CCSER1: variants seen among roughly 807,000 people sequenced by gnomAD.
CCSER1 encodes coiled-coil serine rich protein 1.
CCSER1 carries 41 observed loss-of-function variants against 82.0 expected under a neutral mutation model. The ratio of observed to expected loss-of-function variants is 0.50; its 90% CI spans 0.39 to 0.65. The LOEUF is 0.65. Ranked by LOEUF, CCSER1 falls within the 30% of genes least tolerant of loss-of-function variation. CCSER1 has a pLI of 0.00. For missense variants in CCSER1, 1,119 were observed against 1,064.2 expected (o/e 1.05, Z -0.72); for synonymous variants, 414 against 383.9 (o/e 1.08, Z -0.92).
intron 10 of CCSER1, among the ~76,000 whole-genome samples, chr4:91,591,724 G>A (rs77981417): frequency 0.033 from 5,092 of 152,084 alleles, 180 homozygotes; most frequent in South Asian, 0.16. Flanking sequence ...ATTTTAATGC[G>A]AGTATTTTTA....
chr4:91,427,378 C>T (rs931641466), intron 10 of CCSER1, among the ~76,000 whole-genome samples: 16 of 152,086 alleles, frequency 1.1e-4, no homozygotes, highest in African/African-American at 3.9e-4. Context: ...TTTTCAAAAG[C>T]TTACCTTTCA....
intron 6 of CCSER1, among the ~76,000 whole-genome samples, chr4:90,652,348 T>TAA: frequency 6.6e-6 from 1 of 152,180 alleles, no homozygotes; most frequent in Non-Finnish European, 1.5e-5. Flanking sequence ...TATAATAATG[T>TAA]TGTATATGAT....
chr4:90,395,257 A>T (rs1316260943), intron 3 of CCSER1, among the ~76,000 whole-genome samples: 1 of 152,172 alleles, frequency 6.6e-6, no homozygotes, highest in Non-Finnish European at 1.5e-5. Flanking sequence ...ACGATTTCCT[A>T]CTTTTAGCCA....
chr4:90,305,809 C>T (rs141520674), intron 1 of CCSER1, among the ~76,000 whole-genome samples: 3 of 152,250 alleles, frequency 2.0e-5, no homozygotes, highest in Non-Finnish European at 4.4e-5. Context: ...ACCATATGAT[C>T]CAGCAATCCT....
intron 8 of CCSER1, among the ~76,000 whole-genome samples, chr4:90,835,192 G>T (rs1035202181): frequency 6.6e-6 from 1 of 152,060 alleles, no homozygotes; most frequent in African/African-American, 2.4e-5. Flanking sequence ...TTAGCCGGGC[G>T]TGGTGGTGGA....
chr4:90,150,404 A>G (rs1385672369), intron 1 of CCSER1, among the ~76,000 whole-genome samples: 5 of 152,106 alleles, frequency 3.3e-5, no homozygotes, highest in Non-Finnish European at 7.4e-5. Context: ...CATTTGGTGA[A>G]TTCCTACGTA....
intron 10 of CCSER1, among the ~76,000 whole-genome samples, chr4:91,491,826 T>C (rs984618261): frequency 6.6e-6 from 1 of 151,984 alleles, no homozygotes; most frequent in Non-Finnish European, 1.5e-5. Flanking sequence ...CAATGATGAA[T>C]GGTAAAAATA....
intron 9 of CCSER1, among the ~76,000 whole-genome samples, chr4:91,019,762 G>C (rs950083785): frequency 3.3e-5 from 5 of 152,122 alleles, no homozygotes; most frequent in African/African-American, 1.2e-4. Flanking sequence ...AATGCCACAG[G>C]AGTCATTGAT....
At position 90,861,928 on chromosome 4, in the gene CCSER1, T is replaced by TATATATATATA. The variant is rs1561265442; in HGVS notation, c.2094+46083_2094+46084insATATATATATA. Among the ~76,000 whole-genome samples, 233 of 109,334 alleles carry TATATATATATA rather than the reference T, an allele frequency of 2.1e-3. 1 individual carries two copies. The highest frequency in any genetic ancestry group is 6.2e-3 in the African/African-American group (221 of 35,492). The allele number at this position is 109,334 out of a possible 152,430, so 71.7% of individuals were successfully genotyped here. A position where few individuals can be genotyped will look rare whatever the true frequency, so the allele number is the denominator to read the frequency against. On this transcript the variant is annotated intron_variant, in intron 8 of 10. Transcript: ENST00000509176. ...CTCATATATATATATATATATATAT[T>TATATATATATA]TTTTTTTTCTGTTAGACTAGTGTTG...
chr4:90,644,636 A>C (rs1011138358), intron 6 of CCSER1, among the ~76,000 whole-genome samples: 2 of 151,682 alleles, frequency 1.3e-5, no homozygotes, highest in Admixed American at 6.6e-5. Flanking sequence ...AACCCCCAAC[A>C]GGCCCCAGTG....
intron 7 of CCSER1, among the ~76,000 whole-genome samples, chr4:90,730,373 G>T (rs1744479271): frequency 6.6e-6 from 1 of 152,176 alleles, no homozygotes; most frequent in South Asian, 2.1e-4. Context: ...GCCCATTATG[G>T]TATATTTCTG....
chr4:91,150,514 A>G (rs1190567714), intron 10 of CCSER1, among the ~76,000 whole-genome samples: 2 of 152,122 alleles, frequency 1.3e-5, no homozygotes, highest in Non-Finnish European at 1.5e-5. Flanking sequence ...ATCCAACACT[A>G]TGTTGAATAG....
At chr4:90,329,948 A>G (rs1392004450) in intron 3 of CCSER1, among the ~76,000 whole-genome samples, 1 of 152,174 alleles carries the variant, frequency 6.6e-6, no homozygotes, top group African/African-American at 2.4e-5. Context: ...TACTAATTTT[A>G]AAGTATCTTT....
chr4:90,307,893 A>G (rs946643547), intron 1 of CCSER1, among the ~76,000 whole-genome samples: 1 of 152,196 alleles, frequency 6.6e-6, no homozygotes, highest in Non-Finnish European at 1.5e-5. Flanking sequence ...AAATAAATAA[A>G]CATAAAAAGT....
intron 9 of CCSER1, among the ~76,000 whole-genome samples, chr4:90,937,601 T>G (rs2150317490): frequency 6.6e-6 from 1 of 152,156 alleles, no homozygotes; most frequent in Admixed American, 6.5e-5. Flanking sequence ...CCTCCCCTAT[T>G]TATGCAATTA....
chr4:90,429,922 C>A (rs1464731581), intron 4 of CCSER1, among the ~76,000 whole-genome samples: 1 of 151,752 alleles, frequency 6.6e-6, no homozygotes, highest in Non-Finnish European at 1.5e-5. Flanking sequence ...AATTTTGTTT[C>A]ATATTTCACA....
chr4:91,275,190 C>T lies in CCSER1; in HGVS notation c.2217+189196C>T, dbSNP rs746545948. Among the ~76,000 whole-genome samples, 4 of 151,916 alleles carry T rather than the reference C, an allele frequency of 2.6e-5. No individual in the cohort carries two copies. In the South Asian group the frequency reaches 6.2e-4, roughly 24 times the overall value. On this transcript the variant is annotated intron_variant, in intron 10 of 10. Transcript: ENST00000509176. ...TGCATCATGTGGTAGTTCTATTTAT[C>T]GTTTTTCAAGAAATATTCATACTGT...
At chr4:91,302,072 G>T (rs1332206158) in intron 10 of CCSER1, among the ~76,000 whole-genome samples, 2 of 151,498 alleles carry the variant, frequency 1.3e-5, no homozygotes, top group Non-Finnish European at 2.9e-5. Context: ...TCCAACAAAG[G>T]ACAATAATGT....
chr4:90,692,690 A>G (rs1250622680), intron 6 of CCSER1, among the ~76,000 whole-genome samples: 1 of 148,726 alleles, frequency 6.7e-6, no homozygotes, highest in East Asian at 1.9e-4. Flanking sequence ...GAATAATTCA[A>G]TACCATGAAC....
Sources: gnomAD v4.1 joint callset for allele counts (sites outside exome capture counted in the v4.1 genomes callset) on GRCh38, gnomAD v4.1.1 for gene constraint, MANE v1.5 for transcripts, NCBI Gene and HGNC (gene_info 2026-07-23, HGNC 2026-07-21) for gene names.